The following FLOT2 variants were observed in gnomAD, a reference collection of about 807,000 sequenced individuals.
The protein encoded by FLOT2 is flotillin 2, also known as flotillin-2.
A neutral mutation model predicts 54.9 loss-of-function variants in FLOT2; 35 were observed. The observed-to-expected ratio is 0.64, with a 90% CI of 0.49 to 0.84. The LOEUF (loss-of-function observed/expected upper bound fraction) is 0.84, where lower values mean the gene tolerates loss of function less well. FLOT2 is among the 40% of genes least tolerant of loss of function. The pLI is 0.00. For missense variants in FLOT2, 464 were observed against 572.1 expected (o/e 0.81, Z 1.93); for synonymous variants, 207 against 228.9 (o/e 0.90, Z 0.86).
At chr17:28,896,472 G>T (rs80087403) in intron 1 of FLOT2, among the ~76,000 whole-genome samples, 1 of 152,104 alleles carries the variant, frequency 6.6e-6, no homozygotes, top group Non-Finnish European at 1.5e-5. Context: ...TGGTCTTCAG[G>T]GGGGTAGGGT....
rs556533667 is a variant in FLOT2 at position 28,884,147 on chromosome 17, C to A, written c.222+78G>T. The A allele has an allele frequency of 2.8e-6, 3 of 1,070,856 alleles. No individual in the cohort carries two copies. The African/African-American group carries it at 4.6e-5, about 17-fold the overall frequency. The allele number at this position is 1,070,856 out of a possible 1,614,324, so 66.3% of individuals were successfully genotyped here. A position where few individuals can be genotyped will look rare whatever the true frequency, so the allele number is the denominator to read the frequency against. ...GAGAGAGACTGCCCCTGGCTGCTGTCCTCTCCTCCTCCCCCCGAACCCGAG... is the reference window on the plus strand; with the variant it reads ...GAGAGAGACTGCCCCTGGCTGCTGTACTCTCCTCCTCCCCCCGAACCCGAG... On this transcript the variant is annotated intron_variant, in intron 3 of 10. Coordinates refer to ENST00000394908, the MANE Select transcript of FLOT2 (RefSeq NM_004475.3). This position sits in a 1 kb window ranked among gnomAD's most constrained non-coding sequence, Gnocchi z 5.1.
chr17:28,887,641 C>T lies in FLOT2; in HGVS notation c.131+1304G>A, dbSNP rs1050331774. Among the ~76,000 whole-genome samples, 7 of 152,236 alleles carry T rather than the reference C, an allele frequency of 4.6e-5. 1 individual carries two copies. The South Asian group carries it at 8.3e-4, about 18-fold the overall frequency. On this transcript the variant is annotated intron_variant, in intron 2 of 10. Transcript: ENST00000394908. The stretch of plus-strand genomic sequence containing the variant: ...GAATTGGCCTAGCAGTGGCTGCCCA[C>T]GCAGGGCAGGTGTCTGGACAAGATA...
At position 28,883,655 on chromosome 17, in the gene FLOT2, G is replaced by T. The variant is rs1314412559; in HGVS notation, c.223-424C>A. Among the ~76,000 whole-genome samples, 1 of 152,200 alleles carries T rather than the reference G, an allele frequency of 6.6e-6. No homozygotes were observed. Among genetic ancestry groups the T allele is most frequent in the Non-Finnish European group, 1.5e-5 (1 of 68,038 alleles). On this transcript the variant is annotated intron_variant, in intron 3 of 10. Coordinates refer to ENST00000394908, the MANE Select transcript of FLOT2 (RefSeq NM_004475.3). The surrounding 1 kb of genome is among the most constrained non-coding windows in gnomAD (Gnocchi z 5.0). ...TGGACAGGGCAGGAGAGGGTTGGGG[G>T]ATGCAACCGAGGGTGCCTCTCCTTC...
intron 2 of FLOT2, 103 bp downstream of exon 2, chr17:28,888,842 G>T: frequency 4.4e-6 from 2 of 453,782 alleles, no homozygotes; most frequent in Non-Finnish European, 8.7e-6. Flanking sequence ...ATGTGGAAAT[G>T]GTAGATGCTC....
chr17:28,881,812 A>C lies in FLOT2; in HGVS notation c.914+2T>G. 1.2e-6 allele frequency: 2 copies of C among 1,612,788 alleles called. No homozygotes were observed. The highest frequency in any genetic ancestry group is 1.7e-6 in the Non-Finnish European group (2 of 1,179,936). Reference sequence around the variant, plus strand: ...TGACCCCGGCACCTGGGCGGCTCTCACTTTTCACCCTCGGCAATCTGCTGG... The same window carrying C: ...TGACCCCGGCACCTGGGCGGCTCTCCCTTTTCACCCTCGGCAATCTGCTGG... On this transcript the variant is annotated splice_donor_variant, in intron 8 of 10. Coordinates refer to ENST00000394908, the MANE Select transcript of FLOT2 (RefSeq NM_004475.3). LOFTEE classifies it high-confidence loss of function.
Position 28,897,382 on chromosome 17 carries a change from T to C in FLOT2, c.49+144A>G, listed in dbSNP as rs1384903473. The C allele has an allele frequency of 1.4e-6, 1 of 711,306 alleles. No homozygotes were observed. Among genetic ancestry groups the C allele is most frequent in the East Asian group, 3.4e-5 (1 of 29,520 alleles). 44.1% of individuals were successfully genotyped at this position (711,306 alleles called of 1,614,324 possible). On this transcript the variant is annotated intron_variant, in intron 1 of 10. Coordinates refer to ENST00000394908, the MANE Select transcript of FLOT2 (RefSeq NM_004475.3). This position sits in a 1 kb window ranked among gnomAD's most constrained non-coding sequence, Gnocchi z 4.4. ...GAAAGCGTGAGCACGAGATCTCTCTTGGAAGGGGCCTCAGGTGCGGCCCGG... is the reference window on the plus strand; with the variant it reads ...GAAAGCGTGAGCACGAGATCTCTCTCGGAAGGGGCCTCAGGTGCGGCCCGG...
At chr17:28,886,803 A>G (rs994553393) in intron 2 of FLOT2, among the ~76,000 whole-genome samples, 1 of 152,166 alleles carries the variant, frequency 6.6e-6, no homozygotes, top group Non-Finnish European at 1.5e-5. Context: ...GGGGGTGATA[A>G]GGAGCAGCAG....
In FLOT2 at chr17:28,884,247, A is replaced by C; in HGVS notation, c.200T>G (p.Leu67Ter). The C allele has an allele frequency of 6.2e-7, 1 of 1,613,466 alleles. No homozygotes were observed. Among genetic ancestry groups the C allele is most frequent in the Non-Finnish European group, 8.5e-7 (1 of 1,179,552 alleles). Reference protein sequence around the residue: ...EDVETAEGVALTVTGVAQVKI... With the variant: ...EDVETAEGVA ...TACCTGGGCGACACCCGTCACAGTT[A>C]AAGCTACCCCCTCGGCCGTCTCTAC... The change falls in exon 3 of 11, where the codon TTA becomes TGA. Residue 67 changes from leucine to a stop codon, truncating the protein, a stop_gained. Transcript: ENST00000394908. LOFTEE classifies it high-confidence loss of function. This position sits in a 1 kb window ranked among gnomAD's most constrained non-coding sequence, Gnocchi z 5.1.
Position 28,897,709 on chromosome 17 carries a change from G to C in FLOT2, c.-135C>G. The C allele has an allele frequency of 1.4e-6, 1 of 711,000 alleles. No homozygotes were observed. Among genetic ancestry groups the C allele is most frequent in the Non-Finnish European group, 2.0e-6 (1 of 511,266 alleles). 44.0% of individuals were successfully genotyped at this position (711,000 alleles called of 1,614,324 possible). On this transcript the variant is annotated 5_prime_UTR_variant, in exon 1 of 11. Coordinates refer to ENST00000394908, the MANE Select transcript of FLOT2 (RefSeq NM_004475.3). The surrounding 1 kb of genome is among the most constrained non-coding windows in gnomAD (Gnocchi z 4.4). ...CCCGCTCGCTCGCCCGCGCCCCTCTGCGGTCGCAGCCCCGCCGGAAGTGTG... is the reference window on the plus strand; with the variant it reads ...CCCGCTCGCTCGCCCGCGCCCCTCTCCGGTCGCAGCCCCGCCGGAAGTGTG...
At chr17:28,896,133 T>C (rs919442618) in intron 1 of FLOT2, among the ~76,000 whole-genome samples, 1 of 152,198 alleles carries the variant, frequency 6.6e-6, no homozygotes, top group African/African-American at 2.4e-5. Flanking sequence ...ACCCCTAAAA[T>C]AGCGTTGAAG....
At chr17:28,890,854 C>A (rs986532028) in intron 1 of FLOT2, among the ~76,000 whole-genome samples, 1 of 125,710 alleles carries the variant, frequency 8.0e-6, no homozygotes, top group African/African-American at 2.7e-5. Flanking sequence ...AGAGTGTTAT[C>A]ATTTCTTCTT....
rs547493838 is a variant in FLOT2 at position 28,892,223 on chromosome 17, T to C, written c.50-3197A>G. Among the ~76,000 whole-genome samples, 14 of 144,934 alleles carry C rather than the reference T, an allele frequency of 9.7e-5. No homozygotes were observed. In the South Asian group the frequency reaches 3.0e-3, roughly 31 times the overall value. On this transcript the variant is annotated intron_variant, in intron 1 of 10. Transcript: ENST00000394908. ...AAATCACAGCTTATTCTACATCTTC[T>C]GGCCTGGTGGGGGCTGGGGCATGGC...
In FLOT2 at chr17:28,881,887, C is replaced by A; in HGVS notation, c.841G>T (p.Glu281Ter). 1 of 1,613,772 alleles carries A rather than the reference C, an allele frequency of 6.2e-7. No individual in the cohort carries two copies. The highest frequency in any genetic ancestry group is 1.3e-5 in the African/African-American group (1 of 75,072). The change falls in exon 8 of 11, where the codon GAG becomes TAG. Residue 281 changes from glutamate to a stop codon, truncating the protein, a stop_gained. Transcript: ENST00000394908. LOFTEE classifies it high-confidence loss of function. ...GGCCGGCGCACTGTAGCGATGAGCT[C>A]CTTGTCCGTACGCAGGATCTCCTGT... is the stretch of plus-strand genomic sequence containing the variant. ...EAQEILRTDK[E>*]LIATVRRPAE... is the part of the protein sequence containing the mutation.
Position 28,880,542 on chromosome 17 carries a change from G to T in FLOT2, c.*19C>A. 2 of 1,612,830 alleles carry T rather than the reference G, an allele frequency of 1.2e-6. No homozygotes were observed. The highest frequency in any genetic ancestry group is 1.1e-5 in the South Asian group (1 of 90,924). On this transcript the variant is annotated 3_prime_UTR_variant, in exon 11 of 11. Transcript: ENST00000394908. ...GGGAGGGCCGGGTGGCTGCTGAAGA[G>T]AGTGGGCCTGCAGGAGCCTCACACC... is the stretch of plus-strand genomic sequence containing the variant.
At chr17:28,891,383 A>C (rs1023336203) in intron 1 of FLOT2, among the ~76,000 whole-genome samples, 1 of 152,182 alleles carries the variant, frequency 6.6e-6, no homozygotes, top group Non-Finnish European at 1.5e-5. Context: ...CAGGCCAAGA[A>C]GCTGTGTATG....
chr17:28,882,895 T>A lies in FLOT2; in HGVS notation c.347-204A>T, dbSNP rs1424918826. Reference sequence around the variant, plus strand: ...TGAGGAAAAGTGTCCCAAGCAGCACTAGGTTCCTGAGCAGACCGACAGCCC... The same window carrying A: ...TGAGGAAAAGTGTCCCAAGCAGCACAAGGTTCCTGAGCAGACCGACAGCCC... On this transcript the variant is annotated intron_variant, in intron 4 of 10. Transcript: ENST00000394908. This position sits in a 1 kb window ranked among gnomAD's most constrained non-coding sequence, Gnocchi z 5.6. 1.3e-5 allele frequency: 8 copies of A among 637,990 alleles called. No homozygotes were observed. The highest frequency in any genetic ancestry group is 5.8e-5 in the Admixed American group (2 of 34,570). 39.5% of individuals were successfully genotyped at this position (637,990 alleles called of 1,614,324 possible). A position where few individuals can be genotyped will look rare whatever the true frequency, so the allele number is the denominator to read the frequency against.
At chr17:28,895,839 A>G (rs1471684929) in intron 1 of FLOT2, among the ~76,000 whole-genome samples, 1 of 152,204 alleles carries the variant, frequency 6.6e-6, no homozygotes, top group Non-Finnish European at 1.5e-5. Flanking sequence ...AGGATGGAAA[A>G]GATGACCATG....
At position 28,897,595 on chromosome 17, in the gene FLOT2, C is replaced by T. The variant is rs1484138003; in HGVS notation, c.-21G>A. On this transcript the variant is annotated 5_prime_UTR_variant, in exon 1 of 11. Coordinates refer to ENST00000394908, the MANE Select transcript of FLOT2 (RefSeq NM_004475.3). The surrounding 1 kb of genome is among the most constrained non-coding windows in gnomAD (Gnocchi z 4.4). ...CCCATGGCGCCGGCGGCACGGAGGGCCCTCGGGACCGCACAGACCCGGACA... is the reference window on the plus strand; with the variant it reads ...CCCATGGCGCCGGCGGCACGGAGGGTCCTCGGGACCGCACAGACCCGGACA... The T allele has an allele frequency of 6.3e-7, 1 of 1,580,682 alleles. No homozygotes were observed. Among genetic ancestry groups the T allele is most frequent in the South Asian group, 1.2e-5 (1 of 86,798 alleles).
intron 1 of FLOT2, among the ~76,000 whole-genome samples, chr17:28,889,676 G>A (rs1358508242): frequency 6.6e-6 from 1 of 151,310 alleles, no homozygotes; most frequent in Non-Finnish European, 1.5e-5. Context: ...GTTTTGCTCT[G>A]TTGCCCAGGC....
Sources: allele counts gnomAD v4.1 joint callset (sites outside exome capture counted in the v4.1 genomes callset), GRCh38; gene constraint gnomAD v4.1.1; non-coding constraint Gnocchi (gnomAD v3.1); transcripts MANE v1.5; gene names NCBI Gene and HGNC (gene_info 2026-07-23, HGNC 2026-07-21).